Variants in PDLIM2 observed in about 807,000 individuals in gnomAD.
PDLIM2 encodes the protein PDZ and LIM domain 2.
PDLIM2 carries 51 observed loss-of-function variants against 54.1 expected under a neutral mutation model. The ratio of observed to expected loss-of-function variants is 0.94; its 90% CI spans 0.75 to 1.19. PDLIM2 has a LOEUF of 1.19. PDLIM2 is among the 50% of genes most tolerant of loss of function. The pLI is 0.00. For missense variants in PDLIM2, 912 were observed against 874.0 expected, an observed-to-expected ratio of 1.04 and a Z score of -0.55; for synonymous variants, 398 against 385.6, an observed-to-expected ratio of 1.03 and a Z score of -0.38.
chr8:22,581,698 G>C (rs1800210728), intron 3 of PDLIM2, among the ~76,000 whole-genome samples, 168 bp downstream of exon 2: 1 of 152,256 alleles, frequency 6.6e-6, no homozygotes, highest in Admixed American at 6.5e-5. Context: ...TCCTGCAGCA[G>C]GGTGGGCTGA....
intron 3 of PDLIM2, 60 bp from the exon 3 acceptor site, chr8:22,584,761 T>C: frequency 6.4e-7 from 1 of 1,561,904 alleles, no homozygotes; most frequent in Non-Finnish European, 8.8e-7. Flanking sequence ...TTTTGGCCTC[T>C]TTTGGGGGTT....
At chr8:22,581,219 A>G (rs1189120921) in intron 2 of PDLIM2, 160 bp from the exon 2 acceptor site, 15 of 890,128 alleles carry the variant, frequency 1.7e-5, no homozygotes, top group Non-Finnish European at 2.4e-5. Context: ...CCTGGAGGGG[A>G]TGGCTGATCA....
chr8:22,587,007 G>T (rs1800398674), intron 6 of PDLIM2, among the ~76,000 whole-genome samples: 1 of 152,150 alleles, frequency 6.6e-6, no homozygotes, highest in South Asian at 2.1e-4. Context: ...TGGGCCTCAG[G>T]TCAGACTAGA....
At chr8:22,597,723 G>C (rs1362891377), downstream of PDLIM2, 1 of 152,514 alleles carries the variant, frequency 6.6e-6, no homozygotes, top group Non-Finnish European at 1.5e-5. Context: ...AGGGCTGGCA[G>C]GGCTCTGGCA....
At chr8:22,587,335 CA>C (rs1456405848) in intron 6 of PDLIM2, among the ~76,000 whole-genome samples, 1 of 152,042 alleles carries the variant, frequency 6.6e-6, no homozygotes. Context: ...GAGTCCAGAC[CA>C]GTTTGGGCAA....
chr8:22,580,998 G>T, intron 2 of PDLIM2: 1 of 657,040 alleles, frequency 1.5e-6, no homozygotes, highest in Non-Finnish European at 2.9e-6. Flanking sequence ...CAAGAGCCCC[G>T]GAGTTCTTGG....
chr8:22,597,370 G>C (rs533681685), downstream of PDLIM2: 1 of 152,438 alleles, frequency 6.6e-6, no homozygotes, highest in African/African-American at 2.4e-5. Context: ...GTCAGATCCT[G>C]CCCCCGTGCC....
chr8:22,585,058 G>T, exon 5 of PDLIM2: 2 of 1,614,012 alleles, frequency 1.2e-6, no homozygotes, highest in Non-Finnish European at 1.7e-6. Context: ...CCTCCTTAAG[G>T]TCCTCCTACT....
At chr8:22,594,637 G>A, downstream of PDLIM2, 1 of 1,613,310 alleles carries the variant, frequency 6.2e-7, no homozygotes, top group Non-Finnish European at 8.5e-7. Context: ...GACCCATCCA[G>A]CCAAGCTGGT....
At chr8:22,594,586 G>A (rs1300105795), downstream of PDLIM2, 2 of 1,614,006 alleles carry the variant, frequency 1.2e-6, no homozygotes, top group Admixed American at 3.3e-5. Context: ...TGGAGGGGAT[G>A]GTGGAGGGCG....
At position 22,583,885 on chromosome 8, in the gene PDLIM2, G is replaced by A. The variant is rs866798247; in HGVS notation, c.996-936G>A. 1.7e-3 allele frequency among the ~76,000 whole-genome samples: 201 copies of A among 116,002 alleles called. 3 individuals are homozygous for A. Among genetic ancestry groups the A allele is most frequent in the Admixed American group, 6.8e-3 (80 of 11,758 alleles). 76.1% of individuals were successfully genotyped at this position (116,002 alleles called of 152,430 possible). A position where few individuals can be genotyped will look rare whatever the true frequency, so the allele number is the denominator to read the frequency against. ...AAAAAAAAAAAAAAAAAAAAAAAAA[G>A]GGCAGGATAATGTGAGGACTCTCTA... On this transcript the variant is annotated intron_variant, in intron 3 of 9. Transcript: ENST00000308354.
Position 22,581,549 on chromosome 8 carries a change from C to A in PDLIM2, c.995+19C>A. The stretch of plus-strand genomic sequence containing the variant: ...TGGACCGGTAGGGCCTCCCGCTCTG[C>A]AGAGCCTGTGGCATTCCCCCTCCTC... On this transcript the variant is annotated intron_variant, in intron 3 of 9. Transcript: ENST00000308354. 1.3e-6 allele frequency: 2 copies of A among 1,553,358 alleles called. No individual in the cohort carries two copies. The highest frequency in any genetic ancestry group is 1.7e-6 in the Non-Finnish European group (2 of 1,156,372).
chr8:22,591,434 C>T (rs1800542855), intron 8 of PDLIM2, 117 bp from the exon 8 acceptor site: 44 of 872,926 alleles, frequency 5.0e-5, no homozygotes, highest in South Asian at 3.8e-4. Flanking sequence ...CCACTGTCAG[C>T]GTGACTTTAG....
At chr8:22,589,433 G>C (rs1334370891) in intron 7 of PDLIM2, 59 bp downstream of exon 6, 3 of 1,531,000 alleles carry the variant, frequency 2.0e-6, no homozygotes, top group Non-Finnish European at 2.6e-6. Flanking sequence ...GGGGCAGGAG[G>C]GAGACGGGCT....
At chr8:22,594,831 G>T, downstream of PDLIM2, 1 of 936,330 alleles carries the variant, frequency 1.1e-6, no homozygotes, top group Non-Finnish European at 1.5e-6. Context: ...GGGGAGGCCT[G>T]AGGAGCCCTC....
rs570967360 is a variant in PDLIM2, at chr8:22,585,523, G to A, written c.1290+124G>A. 5.3e-6 allele frequency: 5 copies of A among 936,198 alleles called. No individual in the cohort carries two copies. In the African/African-American group the frequency reaches 8.3e-5, roughly 16 times the overall value. The allele number at this position is 936,198 out of a possible 1,614,324, so 58.0% of individuals were successfully genotyped here. On this transcript the variant is annotated intron_variant, in intron 6 of 9. Coordinates refer to ENST00000308354, the Ensembl canonical transcript of PDLIM2. ...GGGCAGCCATGGCCTCCTTCTCCTG[G>A]CCACAGGCATGCTCTGCTCCTGAGC...
At chr8:22,589,863 A>ACGGAGC in intron 8 of PDLIM2, 122 bp downstream of exon 7, 1 of 1,372,796 alleles carries the variant, frequency 7.3e-7, no homozygotes, top group Middle Eastern at 1.8e-4. Context: ...AGGACTAGGC[A>ACGGAGC]CGGAGCCGAG....
Position 22,589,285 on chromosome 8 carries a change from C to A in PDLIM2, c.1291-13C>A, listed in dbSNP as rs886117818. ...CTGGCCCTGACTCCTCCCCGGCTGC[C>A]TCCTCCCAACAGGCCGGCCTCGGCC... is the stretch of plus-strand genomic sequence containing the variant. On this transcript the variant is annotated splice_polypyrimidine_tract_variant and intron_variant, in intron 6 of 9. Coordinates refer to ENST00000308354, the Ensembl canonical transcript of PDLIM2. 1.3e-6 allele frequency: 2 copies of A among 1,533,694 alleles called. No homozygotes were observed. Among genetic ancestry groups the A allele is most frequent in the Non-Finnish European group, 1.7e-6 (2 of 1,146,288 alleles).
At chr8:22,595,626 C>G (rs374784751), downstream of PDLIM2, 1 of 152,400 alleles carries the variant, frequency 6.6e-6, no homozygotes, top group East Asian at 1.9e-4. Context: ...GGCCGTGATG[C>G]AAAAGGAGGG....
Sources: gnomAD v4.1 joint callset for allele counts (sites outside exome capture counted in the v4.1 genomes callset) on GRCh38, gnomAD v4.1.1 for gene constraint, MANE v1.5 for transcripts, NCBI Gene and HGNC (gene_info 2026-07-23, HGNC 2026-07-21) for gene names.